The following KAZN variants were observed in gnomAD, a reference collection of about 807,000 sequenced individuals.
KAZN encodes the protein kazrin.
In KAZN, 40 loss-of-function variants were observed where a neutral mutation model predicts 87.4. The observed-to-expected ratio is 0.46, with a 90% CI of 0.36 to 0.60. The LOEUF (loss-of-function observed/expected upper bound fraction) is 0.60. Among genes scored for constraint, KAZN ranks in the 20% least tolerant of loss-of-function variants. KAZN has a pLI of 0.00. For synonymous variants in KAZN, 466 were observed against 458.3 expected, an observed-to-expected ratio of 1.02 and a Z score of -0.22; for missense variants, 898 against 1,073.9, an observed-to-expected ratio of 0.84 and a Z score of 2.29.
At chr1:15,057,047 G>A (rs953826335) in intron 5 of KAZN, among the ~76,000 whole-genome samples, 9 of 152,250 alleles carry the variant, frequency 5.9e-5, no homozygotes, top group African/African-American at 1.9e-4. Context: ...CTGGCTGTTG[G>A]AGCTGCAGGA....
At chr1:14,754,713 G>T (rs1005528286) in intron 1 of KAZN, among the ~76,000 whole-genome samples, 2 of 152,114 alleles carry the variant, frequency 1.3e-5, no homozygotes, top group Non-Finnish European at 2.9e-5. Flanking sequence ...TGAGGTTCAT[G>T]CTTCCTAACA....
chr1:14,395,630 T>TG (rs1662830708), intron 2 of KAZN, among the ~76,000 whole-genome samples: 1 of 152,202 alleles, frequency 6.6e-6, no homozygotes, highest in Non-Finnish European at 1.5e-5. Flanking sequence ...TTCAGTCCCC[T>TG]GCTGGTGCCC....
At chr1:14,376,514 C>G (rs546128970) in intron 2 of KAZN, among the ~76,000 whole-genome samples, 3 of 152,314 alleles carry the variant, frequency 2.0e-5, no homozygotes, top group Admixed American at 2.0e-4. Context: ...TGACATAGCA[C>G]AAAGGCCTTC....
intron 2 of KAZN, among the ~76,000 whole-genome samples, chr1:15,020,516 A>G (rs1670559754): frequency 6.6e-6 from 1 of 152,006 alleles, no homozygotes; most frequent in Non-Finnish European, 1.5e-5. Flanking sequence ...TCTTCTTAGC[A>G]CTGTTTACAG....
At chr1:14,960,627 A>G in intron 1 of KAZN, 57 bp from the exon 2 acceptor site, 1 of 1,521,402 alleles carries the variant, frequency 6.6e-7, no homozygotes, top group East Asian at 2.5e-5. Flanking sequence ...TCCCCAGAAA[A>G]TGCGAGTGAG....
At chr1:14,306,686 G>C (rs140805689) in intron 2 of KAZN, among the ~76,000 whole-genome samples, 1 of 152,148 alleles carries the variant, frequency 6.6e-6, no homozygotes, top group East Asian at 1.9e-4. Context: ...ATAGCCCAGG[G>C]TGTTCAGAAT....
chr1:14,946,424 G>T (rs1279381993), intron 1 of KAZN, among the ~76,000 whole-genome samples: 1 of 149,226 alleles, frequency 6.7e-6, no homozygotes, highest in Non-Finnish European at 1.5e-5. Context: ...TACAACCTCT[G>T]CCTCCCGGGT....
intron 2 of KAZN, among the ~76,000 whole-genome samples, chr1:14,274,959 A>G (rs959605783): frequency 6.6e-6 from 1 of 152,092 alleles, no homozygotes; most frequent in African/African-American, 2.4e-5. Context: ...CATGAAATGT[A>G]AGGGTTGTAT....
chr1:14,480,577 CATA>C (rs983052494), intron 2 of KAZN, among the ~76,000 whole-genome samples: 75 of 145,430 alleles, frequency 5.2e-4, no homozygotes, highest in Non-Finnish European at 9.1e-4. Context: ...AAACATAATA[CATA>C]ATATTCATAT....
chr1:14,817,539 C>A (rs1312463761), intron 1 of KAZN, among the ~76,000 whole-genome samples: 2 of 152,186 alleles, frequency 1.3e-5, no homozygotes, highest in Admixed American at 1.3e-4. Flanking sequence ...CTTATGTCCC[C>A]AGAGCCTAAA....
At chr1:14,167,824 TAA>T (rs1645865656) in intron 1 of KAZN, among the ~76,000 whole-genome samples, 1 of 152,062 alleles carries the variant, frequency 6.6e-6, no homozygotes, top group Non-Finnish European at 1.5e-5. Flanking sequence ...GAGGTGGAGA[TAA>T]AGACTGCAAC....
chr1:15,112,444 A>G lies in KAZN; in HGVS notation c.2066A>G (p.Glu689Gly), dbSNP rs1463443425. 1.2e-6 allele frequency: 2 copies of G among 1,601,610 alleles called. No individual in the cohort carries two copies. The highest frequency in any genetic ancestry group is 1.7e-6 in the Non-Finnish European group (2 of 1,174,676). ...FHPANSTGIR[E>G]AERFGTPPGR... ...CTCTTCAGCTCCACAGGCATCCGGGAGGCTGAGCGTTTTGGAACGCCCCCT... is the reference window on the plus strand; with the variant it reads ...CTCTTCAGCTCCACAGGCATCCGGGGGGCTGAGCGTTTTGGAACGCCCCCT... Residue 689 changes from glutamate (E) to glycine (G), a missense_variant, in exon 14 of 15, where the codon GAG (glutamate) becomes GGG (glycine). By Grantham distance (98) the Glu-to-Gly change is moderately conservative. Transcript: ENST00000376030.
chr1:14,905,631 G>A (rs1243317588), intron 1 of KAZN, among the ~76,000 whole-genome samples: 1 of 152,074 alleles, frequency 6.6e-6, no homozygotes, highest in Non-Finnish European at 1.5e-5. Context: ...GGATCACAAG[G>A]TCAGGAGATC....
intron 8 of KAZN, among the ~76,000 whole-genome samples, chr1:15,092,060 G>GTTTTTTTTTT (rs57460680): frequency 3.5e-5 from 4 of 114,428 alleles, no homozygotes; most frequent in African/African-American, 6.7e-5. Flanking sequence ...TTGTTTTTTT[G>GTTTTTTTTTT]TTTTTTTTTT....
chr1:14,198,375 G>T (rs1346507116), intron 2 of KAZN, among the ~76,000 whole-genome samples: 1 of 152,162 alleles, frequency 6.6e-6, no homozygotes, highest in Admixed American at 6.5e-5. Flanking sequence ...TGAGGTGGGA[G>T]AATCACTTGA....
At chr1:14,182,897 T>G (rs888972196) in intron 2 of KAZN, among the ~76,000 whole-genome samples, 3 of 152,168 alleles carry the variant, frequency 2.0e-5, no homozygotes, top group Non-Finnish European at 2.9e-5. Context: ...TTTGTGATAT[T>G]AATAGGCATC....
At chr1:14,211,871 G>A (rs1012225287) in intron 2 of KAZN, among the ~76,000 whole-genome samples, 2 of 151,468 alleles carry the variant, frequency 1.3e-5, no homozygotes, top group African/African-American at 4.9e-5. Flanking sequence ...TTTAAACTGA[G>A]TGCATTCACA....
intron 2 of KAZN, among the ~76,000 whole-genome samples, chr1:14,352,797 A>G (rs79153233): frequency 0.16 from 24,314 of 152,284 alleles, 2,517 homozygotes; most frequent in Middle Eastern, 0.28. Flanking sequence ...ATTACATACC[A>G]ACATATTAAA....
intron 1 of KAZN, among the ~76,000 whole-genome samples, chr1:14,905,166 C>A (rs1656375996): frequency 6.6e-6 from 1 of 152,166 alleles, no homozygotes; most frequent in Non-Finnish European, 1.5e-5. Context: ...TCAAGCAATT[C>A]TCCTGTCTCA....
Sources: allele counts gnomAD v4.1 joint callset (sites outside exome capture counted in the v4.1 genomes callset), GRCh38; gene constraint gnomAD v4.1.1; transcripts MANE v1.5; gene names NCBI Gene and HGNC (gene_info 2026-07-23, HGNC 2026-07-21).